TMEM132B: variants seen among roughly 807,000 people sequenced by gnomAD.
TMEM132B encodes transmembrane protein 132B.
In TMEM132B, 18 loss-of-function variants were observed where a neutral mutation model predicts 90.8. The observed-to-expected ratio is 0.20, with a 90% CI of 0.14 to 0.29. TMEM132B has a LOEUF of 0.29. Among genes scored for constraint, TMEM132B ranks in the 10% least tolerant of loss-of-function variants. The pLI, the probability that TMEM132B is intolerant of heterozygous loss-of-function variation, is 1.00. For missense variants in TMEM132B, 1,096 were observed against 1,326.8 expected, an observed-to-expected ratio of 0.83 and a Z score of 2.70; for synonymous variants, 504 against 523.3, an observed-to-expected ratio of 0.96 and a Z score of 0.50.
At chr12:125,457,596 A>G (rs530861100) in intron 3 of TMEM132B, among the ~76,000 whole-genome samples, 179 of 152,274 alleles carry the variant, frequency 1.2e-3, no homozygotes, top group African/African-American at 4.2e-3. Flanking sequence ...AGAGGCCACT[A>G]TACACATCCC....
intron 1 of TMEM132B, among the ~76,000 whole-genome samples, chr12:125,304,457 T>G (rs1256448540): frequency 6.6e-6 from 1 of 152,124 alleles, no homozygotes; most frequent in Non-Finnish European, 1.5e-5. Context: ...CCTTCATGGA[T>G]TTTGCAATGA....
In TMEM132B at chr12:125,654,943, G is replaced by A. The variant is rs1431308568; in HGVS notation, c.*233G>A. ...GGACTGGAGAAATTCTAAGACAACAGTTTTATGGACTGCCTGGTACGAGCT... is the reference window on the plus strand; with the variant it reads ...GGACTGGAGAAATTCTAAGACAACAATTTTATGGACTGCCTGGTACGAGCT... On this transcript the variant is annotated 3_prime_UTR_variant, in exon 9 of 9. Transcript: ENST00000682704. This position sits in a 1 kb window ranked among gnomAD's most constrained non-coding sequence, Gnocchi z 5.8. 1 of 510,416 alleles carries A rather than the reference G, an allele frequency of 2.0e-6. No individual in the cohort carries two copies. Among genetic ancestry groups the A allele is most frequent in the East Asian group, 3.3e-5 (1 of 30,190 alleles). 31.6% of individuals were successfully genotyped at this position (510,416 alleles called of 1,614,324 possible).
intron 1 of TMEM132B, among the ~76,000 whole-genome samples, chr12:125,271,740 C>A (rs1376095491): frequency 2.0e-5 from 3 of 151,758 alleles, no homozygotes; most frequent in Admixed American, 6.6e-5. Context: ...TAATATATTA[C>A]CTTCATTACC....
At chr12:125,244,801 A>G (rs537188152) in intron 1 of TMEM132B, among the ~76,000 whole-genome samples, 5 of 152,248 alleles carry the variant, frequency 3.3e-5, no homozygotes, top group African/African-American at 1.2e-4. Flanking sequence ...TTTACTATGA[A>G]AATTCCCTCC....
chr12:125,353,427 G>A (rs957476637), intron 2 of TMEM132B, among the ~76,000 whole-genome samples: 4 of 152,196 alleles, frequency 2.6e-5, no homozygotes, highest in African/African-American at 9.7e-5. Context: ...GAGGGCAGAT[G>A]GTCTGGTGGT....
chr12:125,525,784 C>A (rs767391152), intron 4 of TMEM132B, among the ~76,000 whole-genome samples: 16 of 152,160 alleles, frequency 1.1e-4, no homozygotes, highest in Non-Finnish European at 4.4e-5. Flanking sequence ...CGGTTATGAT[C>A]TTTGCCCACT....
At chr12:125,600,005 AG>A (rs1257084281) in intron 5 of TMEM132B, among the ~76,000 whole-genome samples, 1 of 152,194 alleles carries the variant, frequency 6.6e-6, no homozygotes, top group East Asian at 1.9e-4. Context: ...ATGGGTGGAC[AG>A]GTGGGGGCTA....
chr12:125,330,108 C>T (rs1481986797), intron 1 of TMEM132B, among the ~76,000 whole-genome samples: 3 of 152,150 alleles, frequency 2.0e-5, no homozygotes, highest in Admixed American at 6.5e-5. Context: ...TCACGGGATG[C>T]GTGTGGTGTG....
intron 1 of TMEM132B, among the ~76,000 whole-genome samples, chr12:125,256,730 G>T (rs1014341102): frequency 6.6e-6 from 1 of 152,166 alleles, no homozygotes; most frequent in Non-Finnish European, 1.5e-5. Flanking sequence ...TGCAAAAACC[G>T]CAATTACTTT....
At chr12:125,630,287 G>T (rs1294016382) in intron 5 of TMEM132B, among the ~76,000 whole-genome samples, 3 of 151,992 alleles carry the variant, frequency 2.0e-5, no homozygotes, top group Non-Finnish European at 4.4e-5. Flanking sequence ...TTTATTGGGA[G>T]ACTTTTTGTT....
intron 4 of TMEM132B, among the ~76,000 whole-genome samples, chr12:125,564,112 T>C (rs1382437868): frequency 6.6e-6 from 1 of 152,350 alleles, no homozygotes; most frequent in East Asian, 1.9e-4. Context: ...TTTGATATAA[T>C]ACAGCTGTGA....
intron 2 of TMEM132B, among the ~76,000 whole-genome samples, chr12:125,363,059 G>A (rs571328298): frequency 7.9e-5 from 12 of 152,250 alleles, no homozygotes; most frequent in South Asian, 6.2e-4. Flanking sequence ...TGCCTGCCAC[G>A]TTGAACACAA....
chr12:125,187,645 T>C (rs756542870), intron 1 of TMEM132B, among the ~76,000 whole-genome samples: 2 of 152,182 alleles, frequency 1.3e-5, no homozygotes, highest in Non-Finnish European at 2.9e-5. Context: ...CCAATCCTAG[T>C]GAGTGGGAAA....
intron 1 of TMEM132B, among the ~76,000 whole-genome samples, chr12:125,325,638 C>T (rs1028358043): frequency 2.0e-5 from 3 of 150,612 alleles, no homozygotes; most frequent in Non-Finnish European, 4.4e-5. Flanking sequence ...AGAAGGTGTT[C>T]ACCTCTTGCA....
intron 3 of TMEM132B, among the ~76,000 whole-genome samples, chr12:125,479,140 C>T (rs1425490036): frequency 6.6e-6 from 1 of 152,184 alleles, no homozygotes; most frequent in Non-Finnish European, 1.5e-5. Context: ...ACAACCGGTA[C>T]CAGCCACTGC....
chr12:125,473,348 G>C (rs1881772546), intron 3 of TMEM132B, among the ~76,000 whole-genome samples: 1 of 151,972 alleles, frequency 6.6e-6, no homozygotes, highest in South Asian at 2.1e-4. Flanking sequence ...CACAGCATTT[G>C]TTCCTATTTG....
chr12:125,404,156 C>T (rs1389086750), intron 2 of TMEM132B, among the ~76,000 whole-genome samples: 4 of 152,034 alleles, frequency 2.6e-5, no homozygotes, highest in South Asian at 2.1e-4. Flanking sequence ...TATCTCTGGA[C>T]GTTTTCATGG....
intron 5 of TMEM132B, among the ~76,000 whole-genome samples, chr12:125,610,144 A>G (rs1885791810): frequency 6.6e-6 from 1 of 152,098 alleles, no homozygotes; most frequent in African/African-American, 2.4e-5. Context: ...TGGGTTCCAT[A>G]GGATTTTCTA....
intron 1 of TMEM132B, among the ~76,000 whole-genome samples, chr12:125,348,353 G>T (rs1489345230): frequency 6.6e-6 from 1 of 152,158 alleles, no homozygotes. Context: ...TTGAGACAGG[G>T]TTTTGTTCTG....
Sources: allele counts gnomAD v4.1 joint callset (sites outside exome capture counted in the v4.1 genomes callset), GRCh38; gene constraint gnomAD v4.1.1; non-coding constraint Gnocchi (gnomAD v3.1); transcripts MANE v1.5; gene names NCBI Gene and HGNC (gene_info 2026-07-23, HGNC 2026-07-21).